SMOC1: variants seen among roughly 807,000 people sequenced by gnomAD.
SMOC1 encodes SPARC-related modular calcium-binding protein 1.
Under a neutral mutation model 56.3 loss-of-function variants are expected in SMOC1, and 22 were observed. The observed-to-expected ratio is 0.39, with a 90% CI of 0.28 to 0.56. The LOEUF (loss-of-function observed/expected upper bound fraction) is 0.56, where lower values mean the gene tolerates loss of function less well. SMOC1 is among the 20% of genes least tolerant of loss of function. The pLI is 0.61. For missense variants in SMOC1, 509 were observed against 565.4 expected (o/e 0.90, Z 1.01); for synonymous variants, 193 against 215.0 (o/e 0.90, Z 0.89).
intron 1 of SMOC1, among the ~76,000 whole-genome samples, chr14:69,929,584 G>T (rs534009678): frequency 2.0e-5 from 3 of 152,306 alleles, no homozygotes; most frequent in Middle Eastern, 3.4e-3. Flanking sequence ...AGACATTGGG[G>T]TGTTTTAGAG....
At chr14:69,899,895 C>T (rs140724881) in intron 1 of SMOC1, among the ~76,000 whole-genome samples, 4 of 152,280 alleles carry the variant, frequency 2.6e-5, no homozygotes, top group African/African-American at 9.6e-5. Context: ...CCCTGGTAAG[C>T]TGTGATTCTC....
At chr14:69,977,846 G>T (rs934859424) in intron 4 of SMOC1, 72 bp from the exon 5 acceptor site, 2 of 1,254,786 alleles carry the variant, frequency 1.6e-6, no homozygotes, top group Non-Finnish European at 2.3e-6. Context: ...ATCAGGTTTT[G>T]CCAACTCTTA....
intron 1 of SMOC1, among the ~76,000 whole-genome samples, chr14:69,936,133 T>C (rs139841334): frequency 7.9e-5 from 12 of 152,182 alleles, no homozygotes; most frequent in African/African-American, 2.2e-4. Context: ...ATTCTCCCAG[T>C]TGACGACATA....
At chr14:70,026,625 G>C (rs1185684123) in intron 11 of SMOC1, among the ~76,000 whole-genome samples, 1 of 152,186 alleles carries the variant, frequency 6.6e-6, no homozygotes, top group East Asian at 1.9e-4. Flanking sequence ...AGGGTGCTTT[G>C]GAGTGCAACT....
At chr14:69,983,706 G>C (rs985976561) in intron 5 of SMOC1, among the ~76,000 whole-genome samples, 1 of 152,268 alleles carries the variant, frequency 6.6e-6, no homozygotes. Context: ...TGAAGTCCAG[G>C]TGAGAGGGCT....
intron 1 of SMOC1, among the ~76,000 whole-genome samples, chr14:69,914,930 G>A (rs1386443478): frequency 1.3e-5 from 2 of 151,690 alleles, no homozygotes; most frequent in African/African-American, 4.8e-5. Context: ...GCAATTGCAT[G>A]ATCTTGGCTC....
chr14:69,881,661 A>G (rs1164432129), intron 1 of SMOC1, among the ~76,000 whole-genome samples: 1 of 151,774 alleles, frequency 6.6e-6, no homozygotes, highest in African/African-American at 2.4e-5. Context: ...CTCTCACTCA[A>G]ATACATACAT....
At chr14:70,007,987 A>G (rs536618316) in intron 7 of SMOC1, among the ~76,000 whole-genome samples, 1 of 152,332 alleles carries the variant, frequency 6.6e-6, no homozygotes, top group African/African-American at 2.4e-5. Context: ...GGACTTGCAG[A>G]TACTGTAATG....
chr14:69,879,907 C>G (rs1229523100), intron 1 of SMOC1, 130 bp downstream of exon 1: 1 of 783,466 alleles, frequency 1.3e-6, no homozygotes, highest in East Asian at 3.4e-5. Context: ...CTACCAGGTC[C>G]CCTGCGGGCT....
intron 1 of SMOC1, among the ~76,000 whole-genome samples, chr14:69,949,736 C>T (rs1439615520): frequency 6.6e-6 from 1 of 152,128 alleles, no homozygotes; most frequent in Non-Finnish European, 1.5e-5. Flanking sequence ...CCCGTGTGCC[C>T]CACCAGCAGG....
In SMOC1 at chr14:69,975,716, T is replaced by A. The variant is rs756031532; in HGVS notation, c.380T>A (p.Val127Glu). Residue 127 changes from valine (V) to glutamate (E), a missense_variant and splice_region_variant, in exon 4 of 12, where the codon GTG (valine) becomes GAG (glutamate). Transcript: ENST00000361956. Reference protein sequence around the residue: ...ECGEDGSFTQVQCHTYTGYCW... With the variant: ...ECGEDGSFTQEQCHTYTGYCW... ...TTCCCTTTTCACTTCCCTGAACAGG[T>A]GCAGTGCCATACTTACACTGGGTAC... 6.2e-7 allele frequency: 1 copy of A among 1,609,626 alleles called. No individual in the cohort carries two copies. The highest frequency in any genetic ancestry group is 1.1e-5 in the South Asian group (1 of 90,954).
chr14:69,899,412 A>C (rs1345928161), intron 1 of SMOC1, among the ~76,000 whole-genome samples: 1 of 152,000 alleles, frequency 6.6e-6, no homozygotes, highest in African/African-American at 2.4e-5. Flanking sequence ...TGGTTGTTTA[A>C]AAGTGTGTGG....
At chr14:69,949,960 G>C (rs1187226226) in intron 1 of SMOC1, among the ~76,000 whole-genome samples, 1 of 152,216 alleles carries the variant, frequency 6.6e-6, no homozygotes, top group Non-Finnish European at 1.5e-5. Context: ...CCCCTCTTCT[G>C]TGGGGCAGCC....
chr14:69,937,324 GAAAAAGAT>G (rs2139406543), intron 1 of SMOC1, among the ~76,000 whole-genome samples: 1 of 152,262 alleles, frequency 6.6e-6, no homozygotes, highest in Non-Finnish European at 1.5e-5. Context: ...TGGACTAATA[GAAAAAGAT>G]CCTCGTAGTC....
intron 11 of SMOC1, among the ~76,000 whole-genome samples, chr14:70,025,460 C>T (rs919546299): frequency 1.3e-5 from 2 of 152,148 alleles, no homozygotes; most frequent in African/African-American, 4.8e-5. Context: ...CTTCATTACT[C>T]TGGGCATGCC....
At chr14:69,880,371 G>A (rs1278196007) in intron 1 of SMOC1, among the ~76,000 whole-genome samples, 1 of 152,178 alleles carries the variant, frequency 6.6e-6, no homozygotes, top group Non-Finnish European at 1.5e-5. Context: ...AGGTGGGAGG[G>A]GAGAGTTGCG....
intron 1 of SMOC1, among the ~76,000 whole-genome samples, chr14:69,895,815 A>G (rs1481354925): frequency 6.7e-6 from 1 of 149,738 alleles, no homozygotes; most frequent in African/African-American, 2.5e-5. Flanking sequence ...CTTGGTCCCA[A>G]TATTGCTGAT....
chr14:69,987,722 A>C (rs1884415820), intron 5 of SMOC1, among the ~76,000 whole-genome samples: 1 of 152,178 alleles, frequency 6.6e-6, no homozygotes, highest in African/African-American at 2.4e-5. Flanking sequence ...TCTCCTCGCC[A>C]GCGAATGTCA....
chr14:69,928,792 A>G lies in SMOC1; in HGVS notation c.100-23346A>G, dbSNP rs546254394. On this transcript the variant is annotated intron_variant, in intron 1 of 11. Transcript: ENST00000361956. Reference sequence around the variant, plus strand: ...AGAGTTATTAATATTATATATCTTCAAAGCCTGAATAGTTAAAGCATGCGT... The same window carrying G: ...AGAGTTATTAATATTATATATCTTCGAAGCCTGAATAGTTAAAGCATGCGT... 2.6e-4 allele frequency among the ~76,000 whole-genome samples: 39 copies of G among 152,298 alleles called. No individual in the cohort carries two copies. The South Asian group carries it at 8.1e-3, about 32-fold the overall frequency.
Sources: allele counts gnomAD v4.1 joint callset (sites outside exome capture counted in the v4.1 genomes callset), GRCh38; gene constraint gnomAD v4.1.1; transcripts MANE v1.5; gene names NCBI Gene and HGNC (gene_info 2026-07-23, HGNC 2026-07-21).